GFOD1: variants seen among roughly 807,000 people sequenced by gnomAD.
The protein encoded by GFOD1 is glucose-fructose oxidoreductase domain-containing protein 1.
A neutral mutation model predicts 25.4 loss-of-function variants in GFOD1; 9 were observed. The observed-to-expected ratio is 0.35, with a 90% CI of 0.21 to 0.62. The LOEUF (loss-of-function observed/expected upper bound fraction) is 0.62. Among genes scored for constraint, GFOD1 ranks in the 20% least tolerant of loss-of-function variants. GFOD1 has a pLI of 0.72. For missense variants in GFOD1, 403 were observed against 556.9 expected, an observed-to-expected ratio of 0.72 and a Z score of 2.78; for synonymous variants, 253 against 245.6, an observed-to-expected ratio of 1.03 and a Z score of -0.28.
chr6:13,382,135 A>G (rs1389483932), intron 1 of GFOD1, among the ~76,000 whole-genome samples: 2 of 152,152 alleles, frequency 1.3e-5, no homozygotes, highest in Non-Finnish European at 2.9e-5. Context: ...CCAGGATCCA[A>G]ACCCCCATAA....
At chr6:13,388,166 GT>G (rs1379927412) in intron 1 of GFOD1, among the ~76,000 whole-genome samples, 3 of 152,190 alleles carry the variant, frequency 2.0e-5, no homozygotes, top group Non-Finnish European at 4.4e-5. Context: ...AAGAATCAAT[GT>G]TGTGAAAATG....
At chr6:13,380,379 C>G (rs1785340367) in intron 1 of GFOD1, among the ~76,000 whole-genome samples, 1 of 152,190 alleles carries the variant, frequency 6.6e-6, no homozygotes, top group African/African-American at 2.4e-5. Context: ...ACAAATAAAA[C>G]CAAAGAATAC....
intron 1 of GFOD1, among the ~76,000 whole-genome samples, chr6:13,458,946 G>A (rs975117651): frequency 6.6e-6 from 1 of 152,132 alleles, no homozygotes; most frequent in Non-Finnish European, 1.5e-5. Context: ...AAAGGCACAT[G>A]CAGAAAGGAT....
intron 1 of GFOD1, among the ~76,000 whole-genome samples, chr6:13,425,872 GAAA>G (rs35815438): frequency 1.5e-5 from 2 of 130,510 alleles, no homozygotes; most frequent in African/African-American, 5.5e-5. Flanking sequence ...GATAAGCTAG[GAAA>G]AAAAAAAAAA....
At chr6:13,385,549 A>C (rs1245247407) in intron 1 of GFOD1, among the ~76,000 whole-genome samples, 1 of 152,194 alleles carries the variant, frequency 6.6e-6, no homozygotes, top group Non-Finnish European at 1.5e-5. Flanking sequence ...AAGAGAAGAA[A>C]ATCACAGAAT....
At chr6:13,483,779 C>T (rs147481320) in intron 1 of GFOD1, among the ~76,000 whole-genome samples, 4 of 152,148 alleles carry the variant, frequency 2.6e-5, no homozygotes, top group East Asian at 1.9e-4. Context: ...GAAATGACTC[C>T]GGGGGAGGTA....
intron 1 of GFOD1, among the ~76,000 whole-genome samples, chr6:13,403,967 A>C (rs1785899278): frequency 6.6e-6 from 1 of 152,236 alleles, no homozygotes; most frequent in African/African-American, 2.4e-5. Flanking sequence ...AACTCTGTGA[A>C]TACATGGCAT....
intron 1 of GFOD1, among the ~76,000 whole-genome samples, chr6:13,411,465 T>C (rs1453974092): frequency 1.3e-5 from 2 of 151,988 alleles, no homozygotes; most frequent in Non-Finnish European, 2.9e-5. Flanking sequence ...CTAATTTTTG[T>C]ATTTTTAGTA....
chr6:13,460,056 C>T (rs1324474577), intron 1 of GFOD1, among the ~76,000 whole-genome samples: 3 of 152,246 alleles, frequency 2.0e-5, no homozygotes, highest in Non-Finnish European at 2.9e-5. Flanking sequence ...ATCACTTGAA[C>T]TCAGGAGGCG....
At chr6:13,426,452 C>A (rs1033294275) in intron 1 of GFOD1, among the ~76,000 whole-genome samples, 2 of 152,194 alleles carry the variant, frequency 1.3e-5, no homozygotes, top group African/African-American at 4.8e-5. Context: ...GACCAGGAAC[C>A]AGACACGAAC....
At chr6:13,372,677 C>T (rs1034838887) in intron 1 of GFOD1, among the ~76,000 whole-genome samples, 4 of 152,218 alleles carry the variant, frequency 2.6e-5, no homozygotes, top group Admixed American at 2.6e-4. Flanking sequence ...GGGAAGTTAT[C>T]CCTGGGTACC....
intron 1 of GFOD1, among the ~76,000 whole-genome samples, chr6:13,384,512 C>G (rs535250542): frequency 6.6e-6 from 1 of 152,316 alleles, no homozygotes; most frequent in South Asian, 2.1e-4. Flanking sequence ...GTTCCTGAAA[C>G]GTAGGAGCCT....
chr6:13,382,459 T>G (rs986626670), intron 1 of GFOD1, among the ~76,000 whole-genome samples: 1 of 152,150 alleles, frequency 6.6e-6, no homozygotes, highest in Non-Finnish European at 1.5e-5. Flanking sequence ...CCTGCCACCA[T>G]GTAAGATGTG....
chr6:13,409,335 AAG>A (rs368635108), intron 1 of GFOD1, among the ~76,000 whole-genome samples: 2 of 143,662 alleles, frequency 1.4e-5, no homozygotes, highest in Non-Finnish European at 3.0e-5. Flanking sequence ...GAAGGAGAGA[AAG>A]AGAGAGAGAG....
At chr6:13,393,818 C>T (rs188241953) in intron 1 of GFOD1, among the ~76,000 whole-genome samples, 14 of 133,338 alleles carry the variant, frequency 1.0e-4, no homozygotes, top group Admixed American at 5.8e-4. Context: ...TTCGCTCTGC[C>T]GCCCAGGCTG....
intron 1 of GFOD1, among the ~76,000 whole-genome samples, chr6:13,375,296 G>T (rs1584611561): frequency 6.6e-6 from 1 of 152,016 alleles, no homozygotes; most frequent in African/African-American, 2.4e-5. Context: ...AGAGATACAC[G>T]CTCCTATTTT....
intron 1 of GFOD1, among the ~76,000 whole-genome samples, chr6:13,439,850 C>T (rs1757887633): frequency 6.6e-6 from 1 of 152,150 alleles, no homozygotes; most frequent in Non-Finnish European, 1.5e-5. Flanking sequence ...ATGATTCACC[C>T]CTAGAGACTG....
chr6:13,467,229 G>A (rs1332681173), intron 1 of GFOD1, among the ~76,000 whole-genome samples: 4 of 152,110 alleles, frequency 2.6e-5, no homozygotes, highest in Non-Finnish European at 1.5e-5. Flanking sequence ...TCAATACCAA[G>A]CTTTTAAAGT....
chr6:13,485,984 C>T lies in GFOD1; in HGVS notation c.253+654G>A, dbSNP rs545906295. ...AAAACATTCTAATACATCATCACCC[C>T]CATCCAACCACTCCCACCGTCCTTG... On this transcript the variant is annotated intron_variant, in intron 1 of 1. Transcript: ENST00000379287. 15 of 974,972 alleles carry T rather than the reference C, an allele frequency of 1.5e-5. No homozygotes were observed. The South Asian group carries it at 5.2e-4, about 34-fold the overall frequency. The allele number at this position is 974,972 out of a possible 1,614,324, so 60.4% of individuals were successfully genotyped here.
Sources: allele counts gnomAD v4.1 joint callset (sites outside exome capture counted in the v4.1 genomes callset), GRCh38; gene constraint gnomAD v4.1.1; transcripts MANE v1.5; gene names NCBI Gene and HGNC (gene_info 2026-07-23, HGNC 2026-07-21).